Variants in ADAM28 observed in about 807,000 individuals in gnomAD.
ADAM28 encodes ADAM metallopeptidase domain 28.
In ADAM28, 105 loss-of-function variants were observed where a neutral mutation model predicts 101.2. That is an observed-to-expected ratio of 1.04 (90% CI 0.89 to 1.22). The LOEUF (loss-of-function observed/expected upper bound fraction) is 1.22, where lower values mean the gene tolerates loss of function less well. Ranked by LOEUF, ADAM28 falls within the 50% of genes most tolerant of loss-of-function variation. The pLI is 0.00. For missense variants in ADAM28, 1,028 were observed against 945.4 expected (o/e 1.09, Z -1.15); for synonymous variants, 322 against 310.6 (o/e 1.04, Z -0.39).
Position 24,332,758 on chromosome 8 carries a change from AT to A in ADAM28, c.1371+13del. 1 of 1,343,906 alleles carries A rather than the reference AT, an allele frequency of 7.4e-7. No individual in the cohort carries two copies. The highest frequency in any genetic ancestry group is 1.0e-6 in the Non-Finnish European group (1 of 1,002,450). 83.2% of individuals were successfully genotyped at this position (1,343,906 alleles called of 1,614,324 possible). On this transcript the variant is annotated intron_variant, in intron 13 of 22. Transcript: ENST00000265769. ...GTTGTGAAAAATGCCAAGTAAGATTATTTTATTCTATTTTAATAATTATGAT... is the reference window on the plus strand; with the variant it reads ...GTTGTGAAAAATGCCAAGTAAGATTATTTATTCTATTTTAATAATTATGAT...
intron 2 of ADAM28, among the ~76,000 whole-genome samples, chr8:24,306,684 T>A (rs1470089723): frequency 1.3e-5 from 2 of 152,108 alleles, no homozygotes; most frequent in African/African-American, 4.8e-5. Context: ...TGTGTGTTTT[T>A]ATGTATAAAC....
Position 24,313,435 on chromosome 8 carries a change from G to A in ADAM28, c.431G>A (p.Ser144Asn). Residue 144 changes from serine to asparagine, a missense_variant, in exon 6 of 23, where the codon AGC becomes AAC. Transcript: ENST00000265769. ...GDQRYFIEPL[S>N]PIHRDGQEHA... ...CAAAGATACTTTATTGAACCTTTAA[G>A]CCCCATACATCGGGATGGACAGGAG... is the stretch of plus-strand genomic sequence containing the variant. The A allele has an allele frequency of 1.2e-6, 2 of 1,613,616 alleles. No individual in the cohort carries two copies. Among genetic ancestry groups the A allele is most frequent in the East Asian group, 2.2e-5 (1 of 44,862 alleles).
intron 13 of ADAM28, among the ~76,000 whole-genome samples, chr8:24,333,478 C>T (rs1355898150): frequency 6.6e-6 from 1 of 152,062 alleles, no homozygotes; most frequent in African/African-American, 2.4e-5. Context: ...TGTATATATG[C>T]ATATTAAATC....
At chr8:24,352,164 T>A (rs1816235322) in intron 21 of ADAM28, 112 bp downstream of exon 21, 7 of 914,386 alleles carry the variant, frequency 7.7e-6, no homozygotes, top group African/African-American at 1.7e-5. Flanking sequence ...TTGAAATCTA[T>A]GTGAATATTA....
intron 18 of ADAM28, among the ~76,000 whole-genome samples, chr8:24,346,059 G>A (rs1046519778): frequency 6.6e-6 from 1 of 152,020 alleles, no homozygotes; most frequent in Non-Finnish European, 1.5e-5. Context: ...ACATTTCCTA[G>A]TTCAGAAGTG....
At chr8:24,318,812 A>T (rs1045620575) in intron 6 of ADAM28, among the ~76,000 whole-genome samples, 1 of 151,972 alleles carries the variant, frequency 6.6e-6, no homozygotes, top group African/African-American at 2.4e-5. Context: ...GACTACCCCA[A>T]GGTGCCATCT....
rs4263775 is a variant in ADAM28, at chr8:24,357,488, A to G, written c.*3084A>G. On this transcript the variant is annotated 3_prime_UTR_variant, in exon 23 of 23. Coordinates refer to ENST00000265769, the MANE Select transcript of ADAM28 (RefSeq NM_014265.6). Reference sequence around the variant, plus strand: ...AGAGGAAGCAGAAACATCTCATATGATGGAAGATGTGTATGAAGGAGGAAC... The same window carrying G: ...AGAGGAAGCAGAAACATCTCATATGGTGGAAGATGTGTATGAAGGAGGAAC... 149,013 of 152,278 alleles carry G rather than the reference A, an allele frequency of 0.98. 72,968 individuals carry two copies. The highest frequency in any genetic ancestry group is 1 in the East Asian group (5,151 of 5,158). The allele number at this position is 152,278 out of a possible 1,614,324, so 9.4% of individuals were successfully genotyped here. A position where few individuals can be genotyped will look rare whatever the true frequency, so the allele number is the denominator to read the frequency against.
At chr8:24,340,161 T>G (rs1814592065) in intron 15 of ADAM28, among the ~76,000 whole-genome samples, 1 of 152,172 alleles carries the variant, frequency 6.6e-6, no homozygotes, top group Non-Finnish European at 1.5e-5. Flanking sequence ...ATTCTGCAAT[T>G]TTGAGATGAG....
At chr8:24,335,724 A>T in intron 14 of ADAM28, 83 bp downstream of exon 14, 1 of 1,419,640 alleles carries the variant, frequency 7.0e-7, no homozygotes, top group Non-Finnish European at 9.2e-7. Flanking sequence ...TCAAAGGACC[A>T]TTCTGTCCTA....
chr8:24,321,955 G>T (rs1200130939), intron 8 of ADAM28, among the ~76,000 whole-genome samples: 100 of 151,862 alleles, frequency 6.6e-4, no homozygotes, highest in Non-Finnish European at 4.4e-5. Flanking sequence ...ATATATAGTT[G>T]GCATACTTAT....
At chr8:24,294,643 T>C (rs867765447) in intron 1 of ADAM28, among the ~76,000 whole-genome samples, 2 of 147,610 alleles carry the variant, frequency 1.4e-5, no homozygotes, top group Non-Finnish European at 2.9e-5. Flanking sequence ...TCTGTTTGAG[T>C]GTATATTTTT....
chr8:24,358,479 G>A lies in ADAM28; in HGVS notation c.*4075G>A, dbSNP rs1209349054. The A allele has an allele frequency of 6.6e-6, 1 of 152,168 alleles. No homozygotes were observed. The highest frequency in any genetic ancestry group is 1.5e-5 in the Non-Finnish European group (1 of 68,024). The allele number at this position is 152,168 out of a possible 1,614,324, so 9.4% of individuals were successfully genotyped here. On this transcript the variant is annotated 3_prime_UTR_variant, in exon 23 of 23. Coordinates refer to ENST00000265769, the MANE Select transcript of ADAM28 (RefSeq NM_014265.6). ...TTCTCCAAAGTGGGCCAAGCCAAGA[G>A]TGGCACAGCTGTGTGGAGATACTGA...
chr8:24,353,866 G>A (rs765784641), intron 22 of ADAM28, 34 bp downstream of exon 22: 4 of 1,380,038 alleles, frequency 2.9e-6, no homozygotes, highest in Admixed American at 1.8e-5. Context: ...TTATATTCTT[G>A]TATTATAATC....
At chr8:24,294,636 GTTTGAGTGTATATT>G (rs138340344) in intron 1 of ADAM28, among the ~76,000 whole-genome samples, 2,329 of 152,126 alleles carry the variant, frequency 0.015, 67 homozygotes, top group African/African-American at 0.053. Flanking sequence ...GGCTCTTTCT[GTTTGAGTGTATATT>G]TTTGTATTTA....
chr8:24,353,428 A>AT (rs11406512), intron 21 of ADAM28, among the ~76,000 whole-genome samples: 146,134 of 152,030 alleles, frequency 0.96, 70,467 homozygotes, highest in East Asian at 1. Context: ...TACATTTGAG[A>AT]TTTTTTTCTT....
Position 24,351,319 on chromosome 8 carries a change from T to C in ADAM28, c.2178+9T>C, listed in dbSNP as rs758633414. The stretch of plus-strand genomic sequence containing the variant: ...CTGTTCAACCCCAAGAGGTGAACTA[T>C]ATAGTCTGGGCTGTGATTACCATGG... On this transcript the variant is annotated intron_variant, in intron 20 of 22. Transcript: ENST00000265769. 1.1e-5 allele frequency: 17 copies of C among 1,612,498 alleles called. No individual in the cohort carries two copies. In the Admixed American group the frequency reaches 1.7e-4, roughly 16 times the overall value.
In ADAM28 at chr8:24,349,988, A is replaced by T. The variant is rs1424822556; in HGVS notation, c.2099+16A>T. ...AAGATCAGAGGTGATCCTTTATCTT[A>T]TCTTGCTGTAGGGACTCTTTGACCC... On this transcript the variant is annotated intron_variant, in intron 19 of 22. Coordinates refer to ENST00000265769, the MANE Select transcript of ADAM28 (RefSeq NM_014265.6). 1 of 1,610,222 alleles carries T rather than the reference A, an allele frequency of 6.2e-7. No homozygotes were observed. Among genetic ancestry groups the T allele is most frequent in the South Asian group, 1.1e-5 (1 of 90,918 alleles).
chr8:24,298,340 C>G (rs1022734470), intron 1 of ADAM28, among the ~76,000 whole-genome samples: 8 of 152,024 alleles, frequency 5.3e-5, no homozygotes, highest in Admixed American at 2.0e-4. Context: ...CTGGTTTAAA[C>G]CCTTTTTCTG....
At position 24,311,516 on chromosome 8, in the gene ADAM28, A is replaced by G. The variant is rs1585556607; in HGVS notation, c.383+79A>G. On this transcript the variant is annotated intron_variant, in intron 5 of 22. Transcript: ENST00000265769. ...TATCTAACCAACCAGATGAATCCCA[A>G]ATATCATTAATTTTTATATAGTTGA... is the stretch of plus-strand genomic sequence containing the variant. The G allele has an allele frequency of 6.3e-6, 7 of 1,116,278 alleles. 1 individual carries two copies. The Middle Eastern group carries it at 1.4e-3, about 228-fold the overall frequency. 69.1% of individuals were successfully genotyped at this position (1,116,278 alleles called of 1,614,324 possible).
Sources: gnomAD v4.1 joint callset for allele counts (sites outside exome capture counted in the v4.1 genomes callset) on GRCh38, gnomAD v4.1.1 for gene constraint, MANE v1.5 for transcripts, NCBI Gene and HGNC (gene_info 2026-07-23, HGNC 2026-07-21) for gene names.